MACROD2: variants seen among roughly 807,000 people sequenced by gnomAD.
MACROD2 encodes the protein ADP-ribose glycohydrolase MACROD2.
MACROD2 carries 36 observed loss-of-function variants against 70.4 expected under a neutral mutation model. The observed-to-expected ratio is 0.51, with a 90% CI of 0.39 to 0.68. MACROD2 has a LOEUF of 0.68. Among genes scored for constraint, MACROD2 ranks in the 30% least tolerant of loss-of-function variants. The pLI, the probability that MACROD2 is intolerant of heterozygous loss-of-function variation, is 0.00. For synonymous variants in MACROD2, 172 were observed against 178.8 expected (o/e 0.96, Z 0.30); for missense variants, 496 against 538.4 (o/e 0.92, Z 0.78).
intron 3 of MACROD2, among the ~76,000 whole-genome samples, chr20:14,189,293 A>G (rs760705871): frequency 6.6e-6 from 1 of 152,226 alleles, no homozygotes; most frequent in Non-Finnish European, 1.5e-5. Flanking sequence ...ATAATTGAAC[A>G]TAAGACACCA....
chr20:15,361,413 T>C (rs549287605), intron 6 of MACROD2, among the ~76,000 whole-genome samples: 48 of 152,350 alleles, frequency 3.2e-4, no homozygotes, highest in African/African-American at 7.7e-4. Flanking sequence ...ACTATTACGA[T>C]GTATTGATCT....
At chr20:14,154,329 G>A (rs6042556) in intron 3 of MACROD2, among the ~76,000 whole-genome samples, 116,737 of 151,770 alleles carry the variant, frequency 0.77, 45,031 homozygotes, top group East Asian at 0.82. Flanking sequence ...TTCCATGGGC[G>A]CTGAAAATGG....
chr20:14,442,090 C>T (rs533968808), intron 3 of MACROD2, among the ~76,000 whole-genome samples: 1 of 151,928 alleles, frequency 6.6e-6, no homozygotes, highest in Non-Finnish European at 1.5e-5. Flanking sequence ...GCCAACATGG[C>T]GAAACCCCAT....
chr20:14,214,589 TTTTTTTTTTTTTTAAGG>T (rs1475205314), intron 3 of MACROD2, among the ~76,000 whole-genome samples: 2 of 142,566 alleles, frequency 1.4e-5, no homozygotes, highest in Admixed American at 1.4e-4. Flanking sequence ...CAATGTTCTT[TTTTTTTTTTTTTTAAGG>T]TTTTTTTTTT....
At chr20:15,700,683 G>T (rs1011921539) in intron 8 of MACROD2, among the ~76,000 whole-genome samples, 1 of 152,150 alleles carries the variant, frequency 6.6e-6, no homozygotes, top group African/African-American at 2.4e-5. Flanking sequence ...AAACAAGGCA[G>T]CTGTATTAGA....
chr20:14,230,888 G>A (rs558131454), intron 3 of MACROD2, among the ~76,000 whole-genome samples: 10 of 151,494 alleles, frequency 6.6e-5, no homozygotes, highest in Non-Finnish European at 1.3e-4. Flanking sequence ...GACTACTGAA[G>A]GGATGTTGTG....
chr20:15,313,065 C>G (rs939280648), intron 6 of MACROD2, among the ~76,000 whole-genome samples: 7 of 151,960 alleles, frequency 4.6e-5, no homozygotes, highest in Admixed American at 2.0e-4. Flanking sequence ...GTGTATAAAA[C>G]TTTTAAATAT....
At chr20:15,791,775 A>T (rs1348667019) in intron 8 of MACROD2, among the ~76,000 whole-genome samples, 1 of 152,034 alleles carries the variant, frequency 6.6e-6, no homozygotes, top group African/African-American at 2.4e-5. Context: ...ATAACATAAA[A>T]GAATTCTTAG....
At chr20:14,042,501 T>C (rs894772489) in intron 2 of MACROD2, among the ~76,000 whole-genome samples, 22 of 150,662 alleles carry the variant, frequency 1.5e-4, no homozygotes, top group African/African-American at 5.2e-4. Flanking sequence ...TCCAATTCAA[T>C]TCTTTTCTTC....
intron 3 of MACROD2, among the ~76,000 whole-genome samples, chr20:14,489,089 C>A (rs2084765753): frequency 6.6e-6 from 1 of 152,172 alleles, no homozygotes; most frequent in Non-Finnish European, 1.5e-5. Flanking sequence ...TCTTCAAATT[C>A]TGTAGTAGCA....
chr20:14,851,897 T>A (rs1250474123), intron 5 of MACROD2, among the ~76,000 whole-genome samples: 1 of 152,116 alleles, frequency 6.6e-6, no homozygotes, highest in Non-Finnish European at 1.5e-5. Flanking sequence ...CCACAGAGCT[T>A]TCTTGATGCT....
chr20:15,149,571 A>C (rs2076254237), intron 5 of MACROD2, among the ~76,000 whole-genome samples: 2 of 151,990 alleles, frequency 1.3e-5, no homozygotes, highest in Admixed American at 1.3e-4. Context: ...GGAGCCAGGG[A>C]GCAGAAAGTA....
At chr20:15,708,822 C>T (rs974454904) in intron 8 of MACROD2, among the ~76,000 whole-genome samples, 2 of 151,926 alleles carry the variant, frequency 1.3e-5, no homozygotes, top group African/African-American at 2.4e-5. Context: ...GCCAGGAGTT[C>T]AAGACCAGCC....
chr20:14,513,955 A>G (rs1422788405), intron 4 of MACROD2, among the ~76,000 whole-genome samples: 1 of 152,146 alleles, frequency 6.6e-6, no homozygotes, highest in Non-Finnish European at 1.5e-5. Context: ...ATGCTATGCT[A>G]TCTTTTTAAA....
chr20:14,892,422 A>C (rs2073773798), intron 5 of MACROD2, among the ~76,000 whole-genome samples: 2 of 152,088 alleles, frequency 1.3e-5, no homozygotes, highest in Non-Finnish European at 2.9e-5. Context: ...TGGCAGTGAC[A>C]TTGCACTCCA....
intron 5 of MACROD2, among the ~76,000 whole-genome samples, chr20:15,222,839 C>T (rs2076873565): frequency 6.6e-6 from 1 of 152,138 alleles, no homozygotes; most frequent in African/African-American, 2.4e-5. Flanking sequence ...AATGTTTTTG[C>T]TGCATTTGTT....
chr20:15,042,381 T>TAATTATATA (rs2075362932), intron 5 of MACROD2, among the ~76,000 whole-genome samples: 1 of 152,220 alleles, frequency 6.6e-6, no homozygotes, highest in African/African-American at 2.4e-5. Flanking sequence ...CATGTTCTCA[T>TAATTATATA]CTGTGTAATG....
chr20:15,801,200 A>AAAATG (rs1555781106), intron 8 of MACROD2, among the ~76,000 whole-genome samples: 1 of 137,820 alleles, frequency 7.3e-6, no homozygotes, highest in Non-Finnish European at 1.5e-5. Context: ...AAAAAAAAAA[A>AAAATG]AAAACGAAAA....
chr20:15,261,857 A>G (rs183406908), intron 6 of MACROD2, among the ~76,000 whole-genome samples: 11 of 152,114 alleles, frequency 7.2e-5, no homozygotes, highest in African/African-American at 2.6e-4. Flanking sequence ...GTATTAATGC[A>G]CAGTGGGAAC....
Sources: allele counts gnomAD v4.1 joint callset (sites outside exome capture counted in the v4.1 genomes callset), GRCh38; gene constraint gnomAD v4.1.1; transcripts MANE v1.5; gene names NCBI Gene and HGNC (gene_info 2026-07-23, HGNC 2026-07-21).